GNPTAB: variants seen among roughly 807,000 people sequenced by gnomAD.
The protein encoded by GNPTAB is N-acetylglucosamine-1-phosphotransferase subunits alpha/beta.
A neutral mutation model predicts 136.6 loss-of-function variants in GNPTAB; 92 were observed. The ratio of observed to expected loss-of-function variants is 0.67; its 90% CI spans 0.57 to 0.80. GNPTAB has a LOEUF of 0.80. GNPTAB is among the 30% of genes least tolerant of loss of function. The pLI, the probability that GNPTAB is intolerant of heterozygous loss-of-function variation, is 0.00. For synonymous variants in GNPTAB, 512 were observed against 535.1 expected (o/e 0.96, Z 0.60); for missense variants, 1,343 against 1,501.8 (o/e 0.89, Z 1.75).
Position 101,789,947 on chromosome 12 carries a change from T to G in GNPTAB, c.314A>C (p.Lys105Thr). ...AAAAAATCAGTTTTACCTCATTGCTTTCTGCTCCTCCTCCATCTGTTCTCT... is the reference window on the plus strand; with the variant it reads ...AAAAAATCAGTTTTACCTCATTGCTGTCTGCTCCTCCTCCATCTGTTCTCT... ...QVREQMEEEQKAMREILGKNT... is the reference protein window; with the variant it reads ...QVREQMEEEQTAMREILGKNT... The change falls in exon 3 of 21, where the codon AAA becomes ACA. Residue 105 changes from lysine to threonine, a missense_variant. By Grantham distance (78) the Lys-to-Thr change is moderately conservative. Transcript: ENST00000299314. 6.2e-7 allele frequency: 1 copy of G among 1,614,208 alleles called. No homozygotes were observed. The highest frequency in any genetic ancestry group is 8.5e-7 in the Non-Finnish European group (1 of 1,180,026).
intron 7 of GNPTAB, among the ~76,000 whole-genome samples, chr12:101,777,851 C>G (rs1389615687): frequency 6.6e-6 from 1 of 152,204 alleles, no homozygotes; most frequent in African/African-American, 2.4e-5. Context: ...TCTCTAGTCT[C>G]TAAAAATCTT....
In GNPTAB at chr12:101,786,106, A is replaced by G. The variant is rs774677548; in HGVS notation, c.477T>C (p.Pro159=). The G allele has an allele frequency of 2.5e-6, 4 of 1,614,160 alleles. No individual in the cohort carries two copies. The highest frequency in any genetic ancestry group is 3.4e-6 in the Non-Finnish European group (4 of 1,179,994). ...ITLKDLPSLY[P]SFHSASDIFN... is the part of the protein sequence containing the mutation. ...AAATGTCACTGGCAGAATGAAAAGAAGGATAAAGAGATGGCAGGTCCTTCA... is the reference window on the plus strand; with the variant it reads ...AAATGTCACTGGCAGAATGAAAAGAGGGATAAAGAGATGGCAGGTCCTTCA... The change falls in exon 5 of 21, where the codon CCT becomes CCC. Residue 159 remains proline (P), a synonymous_variant. Coordinates refer to ENST00000299314, the MANE Select transcript of GNPTAB (RefSeq NM_024312.5).
In GNPTAB at chr12:101,761,703, G is replaced by C; in HGVS notation, c.2776C>G (p.Gln926Glu). The change falls in exon 14 of 21, where the codon CAA becomes GAA. Residue 926 changes from glutamine to glutamate, a missense_variant. Transcript: ENST00000299314. ...GAATCTGCAAATGTATCTTTTAGTT[G>C]CCTCCCAGTATTTTTGCTATCAGTG... is the stretch of plus-strand genomic sequence containing the variant. Reference protein sequence around the residue: ...YFTDSKNTGRQLKDTFADSLR... With the variant: ...YFTDSKNTGRELKDTFADSLR... The C allele has an allele frequency of 6.2e-7, 1 of 1,613,778 alleles. No homozygotes were observed. Among genetic ancestry groups the C allele is most frequent in the Non-Finnish European group, 8.5e-7 (1 of 1,179,734 alleles).
chr12:101,796,418 C>A, intron 2 of GNPTAB: 2 of 644,264 alleles, frequency 3.1e-6, no homozygotes, highest in Non-Finnish European at 2.8e-6. Context: ...AAAAAAATAT[C>A]TTACGGAATA....
rs534262867 is a variant in GNPTAB at position 101,796,413 on chromosome 12, A to T, written c.203+264T>A. Reference sequence around the variant, plus strand: ...ATATTTTCTTTCCTTATTTTAAAAAAATATCTTACGGAATACTTCATGAAT... The same window carrying T: ...ATATTTTCTTTCCTTATTTTAAAAATATATCTTACGGAATACTTCATGAAT... On this transcript the variant is annotated intron_variant, in intron 2 of 20. Transcript: ENST00000299314. 530 of 647,638 alleles carry T rather than the reference A, an allele frequency of 8.2e-4. 1 individual carries two copies. The highest frequency in any genetic ancestry group is 1.7e-3 in the Admixed American group (71 of 42,616). The allele number at this position is 647,638 out of a possible 1,614,324, so 40.1% of individuals were successfully genotyped here. A position where few individuals can be genotyped will look rare whatever the true frequency, so the allele number is the denominator to read the frequency against.
chr12:101,825,230 T>C (rs1003810859), intron 1 of GNPTAB, among the ~76,000 whole-genome samples: 6 of 152,216 alleles, frequency 3.9e-5, no homozygotes, highest in Admixed American at 1.3e-4. Context: ...CTATAATTAT[T>C]TGTATCTCTG....
In GNPTAB at chr12:101,830,550, G is replaced by A. The variant is rs374108887; in HGVS notation, c.117+9C>T. 6 of 1,571,630 alleles carry A rather than the reference G, an allele frequency of 3.8e-6. No homozygotes were observed. Among genetic ancestry groups the A allele is most frequent in the African/African-American group, 2.7e-5 (2 of 74,008 alleles). On this transcript the variant is annotated intron_variant, in intron 1 of 20. Coordinates refer to ENST00000299314, the MANE Select transcript of GNPTAB (RefSeq NM_024312.5). ...GGCGCCCGGTCCAGGCTGCGGCGCC[G>A]CTACTCACCTCTCCGAACTGGAAGG...
chr12:101,766,054 T>C (rs1953087445), intron 12 of GNPTAB, 37 bp downstream of exon 12: 1 of 1,561,920 alleles, frequency 6.4e-7, no homozygotes, highest in Non-Finnish European at 8.8e-7. Flanking sequence ...AAGGATGTTT[T>C]ATGCTCCCAT....
chr12:101,766,329 T>C (rs767500508), intron 11 of GNPTAB, 35 bp from the exon 12 acceptor site: 5 of 1,571,456 alleles, frequency 3.2e-6, no homozygotes, highest in Non-Finnish European at 4.4e-6. Context: ...ATTCTTGCTG[T>C]AATTACAATT....
At position 101,830,540 on chromosome 12, in the gene GNPTAB, C is replaced by G. The variant is rs760622687; in HGVS notation, c.117+19G>C. On this transcript the variant is annotated intron_variant, in intron 1 of 20. Transcript: ENST00000299314. ...GCAGGGTCGAGGCGCCCGGTCCAGG[C>G]TGCGGCGCCGCTACTCACCTCTCCG... 4 of 1,495,252 alleles carry G rather than the reference C, an allele frequency of 2.7e-6. No homozygotes were observed. Among genetic ancestry groups the G allele is most frequent in the Non-Finnish European group, 3.7e-6 (4 of 1,075,196 alleles). 92.6% of individuals were successfully genotyped at this position (1,495,252 alleles called of 1,614,324 possible).
chr12:101,800,209 G>A (rs1421542621), intron 1 of GNPTAB, among the ~76,000 whole-genome samples: 1 of 151,904 alleles, frequency 6.6e-6, no homozygotes, highest in Non-Finnish European at 1.5e-5. Context: ...CTTTGGCCAG[G>A]TGTGGTGGCT....
intron 7 of GNPTAB, among the ~76,000 whole-genome samples, chr12:101,772,342 A>G (rs1953189006): frequency 6.6e-6 from 1 of 152,258 alleles, no homozygotes; most frequent in Non-Finnish European, 1.5e-5. Context: ...TTATGAGCTT[A>G]TTCTGAGCTC....
chr12:101,764,941 A>C lies in GNPTAB; in HGVS notation c.1976T>G (p.Leu659Arg). ...CTCAAAAAGGATTTCCGCCTCTGGA[A>C]GAAGTGTTATGGGACTAACTAAATT... Reference protein sequence around the residue: ...YENLVSPITLLPEAEILFEDI... With the variant: ...YENLVSPITLRPEAEILFEDI... The change falls in exon 13 of 21, where the codon CTT becomes CGT. Residue 659 changes from leucine (L) to arginine (R), a missense_variant. Physicochemically the swap from Leu to Arg is moderately radical, Grantham distance 102 (BLOSUM62 -2). Coordinates refer to ENST00000299314, the MANE Select transcript of GNPTAB (RefSeq NM_024312.5). 1 of 1,613,980 alleles carries C rather than the reference A, an allele frequency of 6.2e-7. No individual in the cohort carries two copies. The highest frequency in any genetic ancestry group is 8.5e-7 in the Non-Finnish European group (1 of 1,180,032).
chr12:101,771,187 A>G (rs1953169058), intron 7 of GNPTAB, 30 bp from the exon 8 acceptor site: 1 of 1,585,606 alleles, frequency 6.3e-7, no homozygotes, highest in East Asian at 2.2e-5. Context: ...TTACACATGA[A>G]AAGACTGAAT....
At chr12:101,821,740 T>C (rs1317437742) in intron 1 of GNPTAB, among the ~76,000 whole-genome samples, 3 of 152,140 alleles carry the variant, frequency 2.0e-5, no homozygotes, top group Non-Finnish European at 4.4e-5. Context: ...GAGAACTCAC[T>C]ATGGGTCCAT....
At chr12:101,828,487 A>T (rs1355268145) in intron 1 of GNPTAB, among the ~76,000 whole-genome samples, 2 of 152,086 alleles carry the variant, frequency 1.3e-5, no homozygotes, top group African/African-American at 4.8e-5. Flanking sequence ...GTGAAACCCC[A>T]TCTCTACTAA....
intron 1 of GNPTAB, among the ~76,000 whole-genome samples, chr12:101,815,070 TTTTTA>T (rs746849313): frequency 1.3e-5 from 2 of 152,186 alleles, no homozygotes; most frequent in African/African-American, 2.4e-5. Flanking sequence ...AGCTTACTTA[TTTTTA>T]TTTTTTATTG....
intron 5 of GNPTAB, among the ~76,000 whole-genome samples, chr12:101,782,729 A>G (rs570490611): frequency 3.3e-5 from 5 of 152,268 alleles, no homozygotes; most frequent in African/African-American, 9.6e-5. Flanking sequence ...TAGGGCCTAC[A>G]CTATTTGGTC....
chr12:101,797,474 A>C (rs1023888635), intron 1 of GNPTAB, among the ~76,000 whole-genome samples: 1 of 152,102 alleles, frequency 6.6e-6, no homozygotes, highest in Non-Finnish European at 1.5e-5. Context: ...AAATACAAAA[A>C]ATTAGCTGGG....
Sources: allele counts gnomAD v4.1 joint callset (sites outside exome capture counted in the v4.1 genomes callset), GRCh38; gene constraint gnomAD v4.1.1; transcripts MANE v1.5; gene names NCBI Gene and HGNC (gene_info 2026-07-23, HGNC 2026-07-21).